Variants in NEDD4 observed in about 807,000 individuals in gnomAD.
The protein encoded by NEDD4 is NEDD4 E3 ubiquitin protein ligase.
In NEDD4, 99 loss-of-function variants were observed where a neutral mutation model predicts 144.9. The ratio of observed to expected loss-of-function variants is 0.68; its 90% confidence interval spans 0.58 to 0.81. The LOEUF (loss-of-function observed/expected upper bound fraction) is 0.81, where lower values mean the gene tolerates loss of function less well. NEDD4 is among the 30% of genes least tolerant of loss of function. NEDD4 has a pLI of 0.00. For missense variants in NEDD4, 985 were observed against 1,065.9 expected (o/e 0.92, Z 1.06); for synonymous variants, 318 against 350.6 (o/e 0.91, Z 1.04).
intron 4 of NEDD4, among the ~76,000 whole-genome samples, chr15:55,945,575 G>A (rs572110769): frequency 6.6e-6 from 1 of 152,200 alleles, no homozygotes; most frequent in East Asian, 1.9e-4. Context: ...AACCAAGGTG[G>A]AAAACACTCT....
chr15:55,877,115 C>A (rs572846025), intron 5 of NEDD4, among the ~76,000 whole-genome samples: 2 of 152,202 alleles, frequency 1.3e-5, no homozygotes, highest in East Asian at 3.9e-4. Context: ...CTTAAATAAC[C>A]ATATTATGAT....
At chr15:55,840,132 A>G (rs957039274) in intron 21 of NEDD4, among the ~76,000 whole-genome samples, 12 of 148,190 alleles carry the variant, frequency 8.1e-5, no homozygotes, top group Non-Finnish European at 1.6e-4. Flanking sequence ...GGGATGTTTA[A>G]TGTTATCTAT....
rs1299519231 is a variant in NEDD4 at position 55,924,485 on chromosome 15, G to A, written c.291+161C>T. 4.9e-6 allele frequency: 3 copies of A among 610,546 alleles called. No individual in the cohort carries two copies. The African/African-American group carries it at 5.6e-5, about 11-fold the overall frequency. 37.8% of individuals were successfully genotyped at this position (610,546 alleles called of 1,614,324 possible). On this transcript the variant is annotated intron_variant, in intron 5 of 28. Transcript: ENST00000435532. ...ATGGAAAGGGAGCGAGTAGGACCAG[G>A]AGGAAGAAAACAAATTCTATCTCCC... is the stretch of plus-strand genomic sequence containing the variant.
intron 4 of NEDD4, among the ~76,000 whole-genome samples, chr15:55,949,990 G>T (rs1311663599): frequency 2.7e-5 from 4 of 150,454 alleles, no homozygotes; most frequent in African/African-American, 7.3e-5. Context: ...TAAGAAAAAT[G>T]TAACAAAATA....
At chr15:55,891,414 T>C (rs1432456497) in intron 5 of NEDD4, among the ~76,000 whole-genome samples, 1 of 152,190 alleles carries the variant, frequency 6.6e-6, no homozygotes, top group Non-Finnish European at 1.5e-5. Context: ...GGAAAAGTAA[T>C]CGTTTTAAAT....
chr15:55,962,519 C>T (rs2037443095), intron 2 of NEDD4, among the ~76,000 whole-genome samples: 2 of 152,210 alleles, frequency 1.3e-5, no homozygotes, highest in Admixed American at 6.5e-5. Context: ...TCTTGGCTCA[C>T]TGCAACCTCC....
intron 2 of NEDD4, among the ~76,000 whole-genome samples, chr15:55,955,500 C>G (rs1308979546): frequency 6.6e-6 from 1 of 152,104 alleles, no homozygotes; most frequent in African/African-American, 2.4e-5. Context: ...ACACAGCAAC[C>G]AGCATTCCAC....
At position 55,898,882 on chromosome 15, in the gene NEDD4, T is replaced by G. The variant is rs934489298; in HGVS notation, c.292-24874A>C. Among the ~76,000 whole-genome samples the G allele has an allele frequency of 2.2e-4, 34 of 152,122 alleles. 1 individual carries two copies. The highest frequency in any genetic ancestry group is 1.4e-3 in the Admixed American group (21 of 15,270). On this transcript the variant is annotated intron_variant, in intron 5 of 28. Coordinates refer to ENST00000435532, the MANE Select transcript of NEDD4 (RefSeq NM_006154.4). ...GTCTTGAACTCCTGGGCTAAAGTGA[T>G]CCTCCAATCTCAGTCTCCTAAGTGC... is the stretch of plus-strand genomic sequence containing the variant.
At chr15:55,934,805 A>T (rs1348681568) in intron 4 of NEDD4, 4 of 146,878 alleles carry the variant, frequency 2.7e-5, no homozygotes, top group Non-Finnish European at 6.0e-5. Flanking sequence ...ATTTTATTTT[A>T]TTAAAAATTT....
chr15:55,925,424 T>C (rs1218644337), intron 4 of NEDD4, among the ~76,000 whole-genome samples: 1 of 152,226 alleles, frequency 6.6e-6, no homozygotes, highest in Non-Finnish European at 1.5e-5. Flanking sequence ...TGAATCCTTT[T>C]ATTATTGACT....
chr15:55,868,815 A>AC (rs1249412011), intron 8 of NEDD4, among the ~76,000 whole-genome samples: 1 of 151,900 alleles, frequency 6.6e-6, no homozygotes, highest in Non-Finnish European at 1.5e-5. Flanking sequence ...TGTTTTTTTG[A>AC]CCCCTTTCCA....
chr15:55,908,404 A>G (rs1326830031), intron 5 of NEDD4, among the ~76,000 whole-genome samples: 30 of 152,112 alleles, frequency 2.0e-4, no homozygotes, highest in African/African-American at 7.2e-4. Flanking sequence ...TAGTATCTGA[A>G]GTATTATTGA....
At chr15:55,979,059 A>AT (rs2037752988) in intron 1 of NEDD4, among the ~76,000 whole-genome samples, 3 of 147,914 alleles carry the variant, frequency 2.0e-5, no homozygotes, top group Non-Finnish European at 4.5e-5. Flanking sequence ...TAGTAAGTCT[A>AT]TTTTTAAAAA....
intron 5 of NEDD4, among the ~76,000 whole-genome samples, chr15:55,919,053 A>G (rs1262389608): frequency 6.6e-6 from 1 of 152,178 alleles, no homozygotes; most frequent in Non-Finnish European, 1.5e-5. Context: ...AACTCCAAGT[A>G]TTTGGTCAGA....
At chr15:55,946,136 T>A (rs1449236105) in intron 4 of NEDD4, among the ~76,000 whole-genome samples, 2 of 152,112 alleles carry the variant, frequency 1.3e-5, no homozygotes, top group Non-Finnish European at 2.9e-5. Flanking sequence ...AATTACAGGA[T>A]CAAATTCACA....
intron 8 of NEDD4, among the ~76,000 whole-genome samples, chr15:55,864,891 A>G (rs1198143371): frequency 1.3e-5 from 2 of 152,090 alleles, no homozygotes; most frequent in Non-Finnish European, 2.9e-5. Flanking sequence ...TTGCCCAGAA[A>G]GAAACTCAAC....
chr15:55,838,432 T>C, intron 22 of NEDD4, 77 bp downstream of exon 22: 1 of 982,594 alleles, frequency 1.0e-6, no homozygotes, highest in African/African-American at 1.6e-5. Flanking sequence ...CCTAGGAATG[T>C]ATTAAGTGTA....
At chr15:55,982,034 C>A (rs1333250592) in intron 1 of NEDD4, among the ~76,000 whole-genome samples, 1 of 152,128 alleles carries the variant, frequency 6.6e-6, no homozygotes, top group Admixed American at 6.5e-5. Context: ...CAAAGTATCA[C>A]TGGAAGGATA....
rs1332902265 is a variant in NEDD4 at position 55,828,654 on chromosome 15, A to C, written c.*1243T>G. ...CAGCGCTAGGCACGCAGCATTCAAT[A>C]AACGTTTGATGAATACATGTACATG... On this transcript the variant is annotated 3_prime_UTR_variant, in exon 29 of 29. Coordinates refer to ENST00000435532, the MANE Select transcript of NEDD4 (RefSeq NM_006154.4). 4 of 152,626 alleles carry C rather than the reference A, an allele frequency of 2.6e-5. No homozygotes were observed. Among genetic ancestry groups the C allele is most frequent in the African/African-American group, 9.7e-5 (4 of 41,444 alleles). 9.5% of individuals were successfully genotyped at this position (152,626 alleles called of 1,614,324 possible).
Sources: allele counts gnomAD v4.1 joint callset (sites outside exome capture counted in the v4.1 genomes callset), GRCh38; gene constraint gnomAD v4.1.1; transcripts MANE v1.5; gene names NCBI Gene and HGNC (gene_info 2026-07-23, HGNC 2026-07-21).